Variants in TMEM135 observed in about 807,000 individuals in gnomAD.
TMEM135 encodes peroxisomal membrane protein 52.
A neutral mutation model predicts 60.3 loss-of-function variants in TMEM135; 30 were observed. The observed-to-expected ratio is 0.50, with a 90% CI of 0.37 to 0.68. TMEM135 has a LOEUF of 0.68. Among genes scored for constraint, TMEM135 ranks in the 30% least tolerant of loss-of-function variants. The probability of loss-of-function intolerance (pLI) is 0.00; values close to 1 mark genes in which losing one functional copy is unlikely to be tolerated. For missense variants in TMEM135, 468 were observed against 548.8 expected (o/e 0.85, Z 1.47); for synonymous variants, 190 against 186.7 (o/e 1.02, Z -0.14).
At chr11:87,310,481 A>AG (rs936832768) in intron 10 of TMEM135, among the ~76,000 whole-genome samples, 1 of 151,950 alleles carries the variant, frequency 6.6e-6, no homozygotes, top group Non-Finnish European at 1.5e-5. Flanking sequence ...CTTCTAGAGG[A>AG]GGGAGGGAGG....
chr11:87,149,852 C>T (rs181917404), intron 4 of TMEM135, among the ~76,000 whole-genome samples: 3 of 152,176 alleles, frequency 2.0e-5, no homozygotes, highest in African/African-American at 7.2e-5. Context: ...AGTATTTGAC[C>T]TATTGGACAC....
intron 5 of TMEM135, among the ~76,000 whole-genome samples, chr11:87,195,315 T>TA: frequency 1.8e-4 from 1 of 5,508 alleles, no homozygotes; most frequent in East Asian, 3.0e-3. Context: ...TTCTTTCTCT[T>TA]TCCTTCCTTC....
chr11:87,318,284 T>G, intron 13 of TMEM135, 49 bp downstream of exon 13: 1 of 1,273,708 alleles, frequency 7.9e-7, no homozygotes. Context: ...CTGTTTCTAA[T>G]GTACGTTAAT....
chr11:87,061,023 T>C (rs1342451570), intron 1 of TMEM135, among the ~76,000 whole-genome samples: 1 of 152,086 alleles, frequency 6.6e-6, no homozygotes, highest in African/African-American at 2.4e-5. Context: ...GAGATTGAAA[T>C]CTAAAGAGCA....
At chr11:87,300,036 A>G (rs773858009) in intron 7 of TMEM135, among the ~76,000 whole-genome samples, 2 of 152,228 alleles carry the variant, frequency 1.3e-5, no homozygotes, top group African/African-American at 2.4e-5. Context: ...AATGATCCAG[A>G]TAAGAAGAGC....
Position 87,295,832 on chromosome 11 carries a change from CATTT to C in TMEM135, c.551+14_551+17del. The C allele has an allele frequency of 6.2e-7, 1 of 1,601,226 alleles. No homozygotes were observed. Among genetic ancestry groups the C allele is most frequent in the Non-Finnish European group, 8.5e-7 (1 of 1,170,680 alleles). ...ACATTTTCTGCACTTAGGTAAGAAA[CATTT>C]ATTTTTATGTTGAGAGAGAATTTAC... On this transcript the variant is annotated intron_variant, in intron 7 of 14. Coordinates refer to ENST00000305494, the MANE Select transcript of TMEM135 (RefSeq NM_022918.4).
At chr11:87,115,755 A>G (rs1009041210) in intron 4 of TMEM135, among the ~76,000 whole-genome samples, 3 of 152,094 alleles carry the variant, frequency 2.0e-5, no homozygotes, top group African/African-American at 7.2e-5. Context: ...AGTCAGTTTT[A>G]TACACATAGC....
At chr11:87,073,370 A>G (rs1177547256) in intron 3 of TMEM135, among the ~76,000 whole-genome samples, 2 of 152,168 alleles carry the variant, frequency 1.3e-5, no homozygotes, top group African/African-American at 4.8e-5. Flanking sequence ...TAAGTGTCAT[A>G]GTATCTAAAT....
chr11:87,204,541 A>G (rs927187543), intron 5 of TMEM135, among the ~76,000 whole-genome samples: 2 of 152,212 alleles, frequency 1.3e-5, no homozygotes, highest in African/African-American at 4.8e-5. Flanking sequence ...TTACTGTAGC[A>G]TAAACAGTCA....
chr11:87,236,542 T>C (rs1940999868), intron 5 of TMEM135, 96 bp from the exon 6 acceptor site: 1 of 1,010,930 alleles, frequency 9.9e-7, no homozygotes, highest in South Asian at 1.3e-5. Flanking sequence ...TTTTATTGTT[T>C]CAGGCACAAG....
At chr11:87,084,370 C>T (rs1169146651) in intron 3 of TMEM135, among the ~76,000 whole-genome samples, 2 of 151,062 alleles carry the variant, frequency 1.3e-5, no homozygotes, top group Admixed American at 6.6e-5. Flanking sequence ...TACAGTGGTA[C>T]AATCATAGCT....
chr11:87,244,862 C>G (rs1485704501), intron 6 of TMEM135, among the ~76,000 whole-genome samples: 1 of 149,780 alleles, frequency 6.7e-6, no homozygotes, highest in Non-Finnish European at 1.5e-5. Context: ...CAGTTCTGCT[C>G]TGATTTTAGT....
chr11:87,150,037 G>A (rs1938515696), intron 4 of TMEM135, among the ~76,000 whole-genome samples: 1 of 152,022 alleles, frequency 6.6e-6, no homozygotes, highest in Admixed American at 6.6e-5. Flanking sequence ...GACTAACATG[G>A]TGAAACCTGT....
rs1188081292 is a variant in TMEM135, at chr11:87,325,936, A to G, written c.*4603A>G. ...GAATATGTTTTACATGAAATAATGT[A>G]TTGGGTTTTATCTTTTGTCCCAGCA... On this transcript the variant is annotated 3_prime_UTR_variant, in exon 15 of 15. Coordinates refer to ENST00000305494, the MANE Select transcript of TMEM135 (RefSeq NM_022918.4). The G allele has an allele frequency of 1.3e-5, 6 of 453,858 alleles. No individual in the cohort carries two copies. Among genetic ancestry groups the G allele is most frequent in the Non-Finnish European group, 2.6e-5 (6 of 226,746 alleles). 28.1% of individuals were successfully genotyped at this position (453,858 alleles called of 1,614,324 possible). A position where few individuals can be genotyped will look rare whatever the true frequency, so the allele number is the denominator to read the frequency against.
intron 6 of TMEM135, among the ~76,000 whole-genome samples, chr11:87,282,091 G>T (rs530084058): frequency 6.5e-4 from 99 of 152,272 alleles, no homozygotes; most frequent in Non-Finnish European, 2.1e-4. Flanking sequence ...TCTGAATTCA[G>T]GAGGTCTGGA....
At chr11:87,040,339 G>T (rs1949739510) in intron 1 of TMEM135, among the ~76,000 whole-genome samples, 1 of 152,074 alleles carries the variant, frequency 6.6e-6, no homozygotes, top group Admixed American at 6.5e-5. Flanking sequence ...GATGCAAGGT[G>T]GTGTGGTGGA....
At chr11:87,046,169 G>C (rs1044141019) in intron 1 of TMEM135, among the ~76,000 whole-genome samples, 4 of 152,188 alleles carry the variant, frequency 2.6e-5, no homozygotes, top group African/African-American at 9.7e-5. Context: ...ATTTTGGGAG[G>C]CTGAGGCGGG....
chr11:87,248,076 A>C (rs1392939193), intron 6 of TMEM135, among the ~76,000 whole-genome samples: 1 of 151,790 alleles, frequency 6.6e-6, no homozygotes, highest in African/African-American at 2.4e-5. Flanking sequence ...AGTGTGTACT[A>C]TATTTTGTTT....
At chr11:87,176,330 T>G (rs1038569420) in intron 5 of TMEM135, among the ~76,000 whole-genome samples, 1 of 152,128 alleles carries the variant, frequency 6.6e-6, no homozygotes, top group African/African-American at 2.4e-5. Flanking sequence ...CCTTCTGTCA[T>G]GAAGAGAAGC....
Sources: allele counts gnomAD v4.1 joint callset (sites outside exome capture counted in the v4.1 genomes callset), GRCh38; gene constraint gnomAD v4.1.1; transcripts MANE v1.5; gene names NCBI Gene and HGNC (gene_info 2026-07-23, HGNC 2026-07-21).